The following DNAAF9 variants were observed in gnomAD, a reference collection of about 807,000 sequenced individuals.
DNAAF9 encodes shulin.
In DNAAF9, 90 loss-of-function variants were observed where a neutral mutation model predicts 167.0. The ratio of observed to expected loss-of-function variants is 0.54; its 90% CI spans 0.45 to 0.64. DNAAF9 has a LOEUF of 0.64. Ranked by LOEUF, DNAAF9 falls within the 30% of genes least tolerant of loss-of-function variation. The pLI is 0.00. For missense variants in DNAAF9, 1,315 were observed against 1,442.2 expected (o/e 0.91, Z 1.43); for synonymous variants, 491 against 508.8 (o/e 0.96, Z 0.47).
chr20:3,316,892 T>TC, intron 17 of DNAAF9, 99 bp from the exon 18 acceptor site: 1 of 307,196 alleles, frequency 3.3e-6, no homozygotes, highest in East Asian at 7.2e-5. Flanking sequence ...CTAGGGTTCT[T>TC]TTTTTTTTTT....
At chr20:3,321,815 C>T (rs2069621340) in intron 16 of DNAAF9, among the ~76,000 whole-genome samples, 1 of 152,134 alleles carries the variant, frequency 6.6e-6, no homozygotes, top group Non-Finnish European at 1.5e-5. Flanking sequence ...CTGTTAAGGA[C>T]ATCAATGCAA....
intron 2 of DNAAF9, 29 bp from the exon 3 acceptor site, chr20:3,381,527 T>A (rs370599874): frequency 1.3e-5 from 21 of 1,606,844 alleles, no homozygotes; most frequent in African/African-American, 6.7e-5. Context: ...TCTGATCAGC[T>A]GTACCATACT....
At chr20:3,382,333 T>C (rs1020770464) in intron 2 of DNAAF9, 94 bp downstream of exon 2, 13 of 931,566 alleles carry the variant, frequency 1.4e-5, no homozygotes, top group Non-Finnish European at 2.3e-5. Context: ...AACTCACAGC[T>C]TATTTCACAT....
At chr20:3,345,229 A>G (rs112690224) in intron 8 of DNAAF9, among the ~76,000 whole-genome samples, 6,813 of 152,082 alleles carry the variant, frequency 0.045, 228 homozygotes, top group African/African-American at 0.095. Context: ...TGTTAGTCAG[A>G]CTGGTCTTGA....
intron 36 of DNAAF9, among the ~76,000 whole-genome samples, chr20:3,253,167 C>T (rs931026165): frequency 6.6e-6 from 1 of 152,150 alleles, no homozygotes; most frequent in African/African-American, 2.4e-5. Context: ...CTAAGCTGGG[C>T]GCGGTGGCTC....
chr20:3,330,791 C>CTTTT lies in DNAAF9; in HGVS notation c.1064-113_1064-110dup, dbSNP rs34084211. 4.8e-3 allele frequency: 1,964 copies of CTTTT among 413,304 alleles called. 1 individual carries two copies. The highest frequency in any genetic ancestry group is 5.4e-3 in the East Asian group (113 of 21,094). 25.6% of individuals were successfully genotyped at this position (413,304 alleles called of 1,614,324 possible). ...CTGGAAGGCATTGTCAAGAACTACACTTTTTTTTTTTTTTTTTTGAGACAC... is the reference window on the plus strand; with the variant it reads ...CTGGAAGGCATTGTCAAGAACTACACTTTTTTTTTTTTTTTTTTTTTTGAGACAC... On this transcript the variant is annotated intron_variant, in intron 11 of 36. Transcript: ENST00000252032.
intron 1 of DNAAF9, among the ~76,000 whole-genome samples, chr20:3,393,444 T>A (rs1196917987): frequency 1.3e-5 from 2 of 151,896 alleles, no homozygotes; most frequent in Non-Finnish European, 2.9e-5. Flanking sequence ...CCCAGGAGGT[T>A]GAGGCTGCAA....
At chr20:3,262,840 C>T (rs1000127962) in intron 31 of DNAAF9, among the ~76,000 whole-genome samples, 1 of 152,130 alleles carries the variant, frequency 6.6e-6, no homozygotes, top group East Asian at 1.9e-4. Flanking sequence ...GACCCACTTA[C>T]TCACTGTTTA....
chr20:3,341,439 A>C (rs1187448570), intron 9 of DNAAF9, among the ~76,000 whole-genome samples: 2 of 152,062 alleles, frequency 1.3e-5, no homozygotes, highest in Non-Finnish European at 2.9e-5. Flanking sequence ...GAATAGTCCC[A>C]GGGTTTACCT....
chr20:3,374,483 A>G (rs771194159), intron 5 of DNAAF9, among the ~76,000 whole-genome samples: 1 of 152,222 alleles, frequency 6.6e-6, no homozygotes, highest in Non-Finnish European at 1.5e-5. Context: ...TTATTAACAG[A>G]CACAAAGTTG....
intron 16 of DNAAF9, 105 bp from the exon 17 acceptor site, chr20:3,318,505 A>G: frequency 1.6e-6 from 1 of 627,118 alleles, no homozygotes; most frequent in Non-Finnish European, 2.9e-6. Context: ...ATGGCAAAAG[A>G]GTACTGAAGA....
intron 6 of DNAAF9, among the ~76,000 whole-genome samples, chr20:3,369,586 G>C (rs1342249415): frequency 1.3e-5 from 2 of 151,830 alleles, no homozygotes; most frequent in Non-Finnish European, 2.9e-5. Context: ...TGTGTTGACC[G>C]AGCTGGTCTT....
At chr20:3,330,791 C>CTTTTTTT (rs34084211) in intron 11 of DNAAF9, 109 bp from the exon 12 acceptor site, 8 of 414,462 alleles carry the variant, frequency 1.9e-5, no homozygotes, top group Admixed American at 5.1e-5. Context: ...AAGAACTACA[C>CTTTTTTT]TTTTTTTTTT....
intron 20 of DNAAF9, among the ~76,000 whole-genome samples, chr20:3,306,070 C>T (rs2069286811): frequency 6.6e-6 from 1 of 152,194 alleles, no homozygotes; most frequent in African/African-American, 2.4e-5. Context: ...ACTGCTCACA[C>T]CTACTGCCCT....
intron 6 of DNAAF9, among the ~76,000 whole-genome samples, chr20:3,362,806 T>C (rs535936627): frequency 6.6e-6 from 1 of 152,364 alleles, no homozygotes; most frequent in South Asian, 2.1e-4. Flanking sequence ...TCATTCTGGC[T>C]GGACTTTCAC....
intron 14 of DNAAF9, among the ~76,000 whole-genome samples, chr20:3,324,633 A>T (rs2069678324): frequency 6.6e-6 from 1 of 152,104 alleles, no homozygotes; most frequent in African/African-American, 2.4e-5. Context: ...AGGCTTGTCA[A>T]ATCTCCTGTG....
chr20:3,282,163 C>T (rs900297177), intron 27 of DNAAF9, among the ~76,000 whole-genome samples: 1 of 152,160 alleles, frequency 6.6e-6, no homozygotes, highest in African/African-American at 2.4e-5. Flanking sequence ...TCAGAACACA[C>T]AGGCAAGAGA....
chr20:3,397,990 T>C (rs1379155424), intron 1 of DNAAF9, among the ~76,000 whole-genome samples: 1 of 152,178 alleles, frequency 6.6e-6, no homozygotes, highest in African/African-American at 2.4e-5. Flanking sequence ...CTCAGCACAC[T>C]TTCCATTTCT....
intron 1 of DNAAF9, among the ~76,000 whole-genome samples, chr20:3,402,190 A>T (rs1489588707): frequency 1.3e-5 from 2 of 152,190 alleles, no homozygotes; most frequent in African/African-American, 4.8e-5. Flanking sequence ...GATCCTATCT[A>T]TGTGACTTAC....
Sources: gnomAD v4.1 joint callset for allele counts (sites outside exome capture counted in the v4.1 genomes callset) on GRCh38, gnomAD v4.1.1 for gene constraint, MANE v1.5 for transcripts, NCBI Gene and HGNC (gene_info 2026-07-23, HGNC 2026-07-21) for gene names.